Variants in MDFIC2 observed in about 807,000 individuals in gnomAD.
MDFIC2 encodes myoD family inhibitor domain-containing protein 2.
chr3:70,307,704 C>A (rs1702415645), intron 2 of MDFIC2, among the ~76,000 whole-genome samples: 1 of 152,112 alleles, frequency 6.6e-6, no homozygotes, highest in Admixed American at 6.6e-5. Flanking sequence ...CCATTTTGCA[C>A]ACCAGTTACA....
chr3:70,215,715 A>G (rs910534255), intron 2 of MDFIC2, among the ~76,000 whole-genome samples: 1 of 152,158 alleles, frequency 6.6e-6, no homozygotes, highest in Non-Finnish European at 1.5e-5. Context: ...GAGGAAATAC[A>G]TAAGCCATTC....
rs146127396 is a variant in MDFIC2 at position 70,207,402 on chromosome 3, A to G, written c.89-612T>C. Among the ~76,000 whole-genome samples, 46 of 152,160 alleles carry G rather than the reference A, an allele frequency of 3.0e-4. 2 individuals carry two copies. Among genetic ancestry groups the G allele is most frequent in the African/African-American group, 9.4e-4 (39 of 41,548 alleles). On this transcript the variant is annotated intron_variant, in intron 2 of 3. Coordinates refer to ENST00000567252, the MANE Select transcript of MDFIC2 (RefSeq NM_001364677.1). ...GGCTTTGGGGATATGCTTCTTGGGA[A>G]CATGCTTTATTTCCACATAACTGTC...
Position 70,206,706 on chromosome 3 carries a change from G to A in MDFIC2, c.173C>T (p.Thr58Ile). The A allele has an allele frequency of 2.5e-6, 1 of 397,750 alleles. No individual in the cohort carries two copies. The highest frequency in any genetic ancestry group is 4.4e-5 in the Admixed American group (1 of 22,664). 24.6% of individuals were successfully genotyped at this position (397,750 alleles called of 1,614,324 possible). The change falls in exon 3 of 4, where the codon ACA (threonine) becomes ATA (isoleucine). Residue 58 changes from threonine to isoleucine, a missense_variant. Transcript: ENST00000567252. ...VINSVSDFNI[T>I]DGPAKENPNE... ...GGGGTTTTCCTTGGCTGGTCCATCT[G>A]TGATATTGAAGTCAGATACTGAATT...
At chr3:70,293,374 A>T (rs1294005192) in intron 2 of MDFIC2, among the ~76,000 whole-genome samples, 2 of 152,172 alleles carry the variant, frequency 1.3e-5, no homozygotes, top group African/African-American at 2.4e-5. Context: ...TTAGAAGTGG[A>T]ATAACTAATT....
intron 2 of MDFIC2, among the ~76,000 whole-genome samples, chr3:70,268,311 C>T (rs917767241): frequency 1.1e-4 from 16 of 151,812 alleles, no homozygotes; most frequent in African/African-American, 3.9e-4. Context: ...ACCGTCTGTA[C>T]TAAAATACAA....
chr3:70,289,223 C>T (rs1360273922), intron 2 of MDFIC2, among the ~76,000 whole-genome samples: 7 of 149,856 alleles, frequency 4.7e-5, no homozygotes, highest in South Asian at 2.2e-4. Context: ...ATGTTTAGCG[C>T]TTCCTTCAGG....
Position 70,196,973 on chromosome 3 carries a change from C to T in MDFIC2, c.523G>A (p.Glu175Lys), listed in dbSNP as rs777472373. Residue 175 changes from glutamate to lysine, a missense_variant, in exon 4 of 4, where the codon GAG becomes AAG. Transcript: ENST00000567252. ...SLFESCHETS[E>K]CLELAMEISE... is the part of the protein sequence containing the mutation. ...ATCTCCATGGCCAGTTCCAGACACTCGCTGGTCTCATGGCAAGATTCAAAA... is the reference window on the plus strand; with the variant it reads ...ATCTCCATGGCCAGTTCCAGACACTTGCTGGTCTCATGGCAAGATTCAAAA... 19 of 398,418 alleles carry T rather than the reference C, an allele frequency of 4.8e-5. No homozygotes were observed. Among genetic ancestry groups the T allele is most frequent in the East Asian group, 7.1e-5 (2 of 28,078 alleles). 24.7% of individuals were successfully genotyped at this position (398,418 alleles called of 1,614,324 possible). A position where few individuals can be genotyped will look rare whatever the true frequency, so the allele number is the denominator to read the frequency against.
chr3:70,279,609 CA>C (rs1383347167), intron 2 of MDFIC2, among the ~76,000 whole-genome samples: 1 of 152,144 alleles, frequency 6.6e-6, no homozygotes. Context: ...GTTGAAGGCT[CA>C]GATTTGCGTT....
intron 2 of MDFIC2, among the ~76,000 whole-genome samples, chr3:70,276,818 C>T (rs1312304089): frequency 3.9e-5 from 6 of 152,212 alleles, no homozygotes; most frequent in Admixed American, 3.9e-4. Context: ...GAAATATTTA[C>T]TATCTGCCCC....
intron 2 of MDFIC2, among the ~76,000 whole-genome samples, chr3:70,247,429 T>A (rs1559544192): frequency 6.6e-6 from 1 of 151,948 alleles, no homozygotes; most frequent in South Asian, 2.1e-4. Flanking sequence ...GAAAGTTAAC[T>A]GTGCTCTTGA....
chr3:70,263,100 A>G (rs1300643310), intron 2 of MDFIC2, among the ~76,000 whole-genome samples: 1 of 152,136 alleles, frequency 6.6e-6, no homozygotes, highest in Non-Finnish European at 1.5e-5. Flanking sequence ...TTGAGCATAT[A>G]GGACAGATTT....
intron 2 of MDFIC2, among the ~76,000 whole-genome samples, chr3:70,290,947 G>A (rs940937244): frequency 1.3e-5 from 2 of 152,108 alleles, no homozygotes; most frequent in East Asian, 3.9e-4. Context: ...CCACTGACCT[G>A]AGCCCACTGT....
At chr3:70,276,525 C>A (rs975888837) in intron 2 of MDFIC2, among the ~76,000 whole-genome samples, 5 of 152,044 alleles carry the variant, frequency 3.3e-5, no homozygotes, top group African/African-American at 7.2e-5. Context: ...TGATTCATTC[C>A]ATGTTTATTT....
At chr3:70,285,183 A>C (rs1702131047) in intron 2 of MDFIC2, among the ~76,000 whole-genome samples, 1 of 146,962 alleles carries the variant, frequency 6.8e-6, no homozygotes, top group Non-Finnish European at 1.5e-5. Context: ...CATTAGGTAT[A>C]CCTCCCAATG....
chr3:70,239,801 G>A (rs1017115581), intron 2 of MDFIC2, among the ~76,000 whole-genome samples: 13 of 152,004 alleles, frequency 8.6e-5, no homozygotes, highest in Admixed American at 3.3e-4. Context: ...GTGACGTCTC[G>A]TTCAACTCAG....
intron 2 of MDFIC2, among the ~76,000 whole-genome samples, chr3:70,230,207 G>T (rs1015451711): frequency 6.6e-6 from 1 of 152,116 alleles, no homozygotes; most frequent in Non-Finnish European, 1.5e-5. Flanking sequence ...CTTACTGGTA[G>T]ATACCATAAT....
intron 2 of MDFIC2, among the ~76,000 whole-genome samples, chr3:70,300,147 C>G (rs1374781046): frequency 3.3e-5 from 5 of 152,080 alleles, no homozygotes. Context: ...TGAAATTTAT[C>G]CTTCCATTTA....
chr3:70,292,512 GA>G (rs1352228258), intron 2 of MDFIC2, among the ~76,000 whole-genome samples: 1 of 152,094 alleles, frequency 6.6e-6, no homozygotes, highest in Non-Finnish European at 1.5e-5. Context: ...AAGCCATGTG[GA>G]TCTGACTCCT....
chr3:70,225,397 T>G (rs1421818391), intron 2 of MDFIC2, among the ~76,000 whole-genome samples: 2 of 152,218 alleles, frequency 1.3e-5, no homozygotes, highest in Non-Finnish European at 2.9e-5. Context: ...CATGACTCAG[T>G]TAACAATGCT....
Sources: gnomAD v4.1 joint callset for allele counts (sites outside exome capture counted in the v4.1 genomes callset) on GRCh38, gnomAD v4.1.1 for gene constraint, MANE v1.5 for transcripts, NCBI Gene and HGNC (gene_info 2026-07-23, HGNC 2026-07-21) for gene names.